The following DPP6 variants were observed in gnomAD, a reference collection of about 807,000 sequenced individuals.
DPP6 encodes A-type potassium channel modulatory protein DPP6.
Under a neutral mutation model 122.6 loss-of-function variants are expected in DPP6, and 69 were observed. That is an observed-to-expected ratio of 0.56 (90% CI 0.46 to 0.69). DPP6 has a LOEUF of 0.69. Ranked by LOEUF, DPP6 falls within the 30% of genes least tolerant of loss-of-function variation. The pLI, the probability that DPP6 is intolerant of heterozygous loss-of-function variation, is 0.00. For synonymous variants in DPP6, 418 were observed against 433.1 expected, an observed-to-expected ratio of 0.97 and a Z score of 0.43; for missense variants, 928 against 1,116.9, an observed-to-expected ratio of 0.83 and a Z score of 2.41.
intron 7 of DPP6, among the ~76,000 whole-genome samples, chr7:154,703,938 A>G (rs1341838801): frequency 6.7e-6 from 1 of 148,484 alleles, no homozygotes; most frequent in African/African-American, 2.4e-5. Context: ...CTCTGTCTCA[A>G]AAAAAAAAAA....
chr7:154,549,114 G>A (rs1253977528), intron 4 of DPP6, among the ~76,000 whole-genome samples: 1 of 152,094 alleles, frequency 6.6e-6, no homozygotes, highest in African/African-American at 2.4e-5. Flanking sequence ...CACATGGAAA[G>A]GTGTCAACCA....
chr7:154,746,389 C>G (rs1843037084), intron 8 of DPP6, among the ~76,000 whole-genome samples: 1 of 152,146 alleles, frequency 6.6e-6, no homozygotes, highest in African/African-American at 2.4e-5. Context: ...TGCCGGCCTT[C>G]CTTGGTCTAT....
chr7:154,478,399 C>T (rs1822942375), intron 3 of DPP6, among the ~76,000 whole-genome samples: 1 of 152,154 alleles, frequency 6.6e-6, no homozygotes, highest in African/African-American at 2.4e-5. Context: ...CCACCACCAT[C>T]TATCACCACT....
chr7:154,620,529 G>A (rs1283491000), intron 5 of DPP6, among the ~76,000 whole-genome samples: 1 of 152,204 alleles, frequency 6.6e-6, no homozygotes, highest in East Asian at 1.9e-4. Context: ...TTGCCAATTA[G>A]GATGGGAGGC....
intron 6 of DPP6, among the ~76,000 whole-genome samples, 151 bp downstream of exon 6, chr7:154,638,024 C>G (rs1185751868): frequency 6.6e-6 from 1 of 152,178 alleles, no homozygotes; most frequent in Non-Finnish European, 1.5e-5. Flanking sequence ...CTGGGACTCT[C>G]CCTAGATAAT....
rs573065648 is a variant in DPP6 at position 154,146,728 on chromosome 7, G to A, written c.243+93665G>A. 7.9e-5 allele frequency among the ~76,000 whole-genome samples: 12 copies of A among 152,294 alleles called. No individual in the cohort carries two copies. The East Asian group carries it at 2.1e-3, about 27-fold the overall frequency. On this transcript the variant is annotated intron_variant, in intron 1 of 25. Transcript: ENST00000377770. ...TAGACAAGGGACAGAAGGCACTTGT[G>A]TCGGAGAAAGACAGTTTAAAGGGCA... is the stretch of plus-strand genomic sequence containing the variant.
In DPP6 at chr7:153,971,808, A is replaced by C. The variant is rs573931433; in HGVS notation, c.51+84074A>C. On this transcript the variant is annotated intron_variant, in intron 1 of 25. Transcript: ENST00000404039. The stretch of plus-strand genomic sequence containing the variant: ...TTCTGTGAAGCACCTCCTCTCCAAC[A>C]CCCTGCTCCATAACGTCTAGCTTTA... 1.1e-4 allele frequency among the ~76,000 whole-genome samples: 15 copies of C among 141,976 alleles called. 1 individual carries two copies. The East Asian group carries it at 3.1e-3, about 30-fold the overall frequency. 93.1% of individuals were successfully genotyped at this position (141,976 alleles called of 152,430 possible).
intron 7 of DPP6, among the ~76,000 whole-genome samples, chr7:154,678,696 A>T (rs1203366610): frequency 6.6e-6 from 1 of 152,236 alleles, no homozygotes; most frequent in Non-Finnish European, 1.5e-5. Context: ...GAAGGAAAAG[A>T]ATATTTTATT....
intron 5 of DPP6, among the ~76,000 whole-genome samples, chr7:154,616,268 C>T (rs928344243): frequency 2.0e-5 from 3 of 152,146 alleles, no homozygotes; most frequent in Non-Finnish European, 2.9e-5. Context: ...GCTCCATCCC[C>T]TAGAAACTGT....
At chr7:154,198,170 CT>C (rs1798967241) in intron 1 of DPP6, among the ~76,000 whole-genome samples, 1 of 151,902 alleles carries the variant, frequency 6.6e-6, no homozygotes, top group Non-Finnish European at 1.5e-5. Flanking sequence ...CATTATTTTC[CT>C]ACTTGAGCTC....
intron 7 of DPP6, among the ~76,000 whole-genome samples, chr7:154,725,334 C>T (rs778371734): frequency 1.3e-5 from 2 of 152,164 alleles, no homozygotes; most frequent in Admixed American, 6.5e-5. Context: ...AAGACTGGAT[C>T]ATTTATAAAG....
At chr7:154,564,666 AAG>A (rs1176672707) in intron 4 of DPP6, among the ~76,000 whole-genome samples, 2 of 152,238 alleles carry the variant, frequency 1.3e-5, no homozygotes, top group Non-Finnish European at 2.9e-5. Flanking sequence ...TGTTTATAGA[AAG>A]AGCTCACTAG....
chr7:154,779,013 A>ACCATCAC (rs1796801665), intron 10 of DPP6, among the ~76,000 whole-genome samples: 1 of 11,252 alleles, frequency 8.9e-5, no homozygotes, highest in Non-Finnish European at 2.2e-4. Flanking sequence ...CACCACCAGC[A>ACCATCAC]CCCCACCATC....
At chr7:154,031,415 G>C (rs548492911) in intron 1 of DPP6, among the ~76,000 whole-genome samples, 1 of 151,504 alleles carries the variant, frequency 6.6e-6, no homozygotes, top group African/African-American at 2.4e-5. Context: ...TTTTATTAAA[G>C]TCTCACTAAA....
intron 4 of DPP6, among the ~76,000 whole-genome samples, chr7:154,550,077 G>T (rs1408670718): frequency 1.3e-5 from 2 of 152,000 alleles, no homozygotes; most frequent in African/African-American, 4.8e-5. Context: ...CTTTAAGATT[G>T]AAAATTATGT....
chr7:154,892,212 C>A (rs931911291), intron 25 of DPP6, 122 bp from the exon 26 acceptor site: 4 of 1,328,438 alleles, frequency 3.0e-6, no homozygotes, highest in Non-Finnish European at 4.1e-6. Flanking sequence ...AAACCCACTT[C>A]ATCAACTACA....
Position 154,135,397 on chromosome 7 carries a change from T to G in DPP6, c.243+82334T>G, listed in dbSNP as rs1376422296. 1.6e-4 allele frequency among the ~76,000 whole-genome samples: 24 copies of G among 151,824 alleles called. 1 individual carries two copies. In the East Asian group the frequency reaches 4.7e-3, roughly 30 times the overall value. ...CCTATCTGTGCACTTCCTTTGAGCA[T>G]ACACCTCCTATCTATGCACTTCCTA... On this transcript the variant is annotated intron_variant, in intron 1 of 25. Coordinates refer to ENST00000377770, the MANE Select transcript of DPP6 (RefSeq NM_130797.4).
chr7:154,826,751 T>C lies in DPP6; in HGVS notation c.1666+19639T>C, dbSNP rs976878716. 2.6e-5 allele frequency among the ~76,000 whole-genome samples: 4 copies of C among 152,210 alleles called. No homozygotes were observed. The East Asian group carries it at 7.7e-4, about 29-fold the overall frequency. ...GTGGGACCAAAGAGGCCTGCAGCTTTTTCTCTTAATGGAGATAAAGTAGGA... is the reference window on the plus strand; with the variant it reads ...GTGGGACCAAAGAGGCCTGCAGCTTCTTCTCTTAATGGAGATAAAGTAGGA... On this transcript the variant is annotated intron_variant, in intron 16 of 25. Coordinates refer to ENST00000377770, the MANE Select transcript of DPP6 (RefSeq NM_130797.4).
At chr7:154,390,934 G>T (rs572074137) in intron 1 of DPP6, among the ~76,000 whole-genome samples, 1 of 152,250 alleles carries the variant, frequency 6.6e-6, no homozygotes, top group East Asian at 1.9e-4. Flanking sequence ...ACAGTCGTCA[G>T]AAGGGTCCCA....
Sources: gnomAD v4.1 joint callset for allele counts (sites outside exome capture counted in the v4.1 genomes callset) on GRCh38, gnomAD v4.1.1 for gene constraint, MANE v1.5 for transcripts, NCBI Gene and HGNC (gene_info 2026-07-23, HGNC 2026-07-21) for gene names.